Variants in OVCH1 observed in about 807,000 individuals in gnomAD.
OVCH1 encodes the protein ovochymase 1.
A neutral mutation model predicts 138.4 loss-of-function variants in OVCH1; 139 were observed. That is an observed-to-expected ratio of 1.00 (90% CI 0.87 to 1.16). The LOEUF (loss-of-function observed/expected upper bound fraction) is 1.16, where lower values mean the gene tolerates loss of function less well. Ranked by LOEUF, OVCH1 falls within the 50% of genes most tolerant of loss-of-function variation. The pLI is 0.00. For missense variants in OVCH1, 1,367 were observed against 1,357.9 expected (o/e 1.01, Z -0.11); for synonymous variants, 453 against 467.8 (o/e 0.97, Z 0.41).
intron 8 of OVCH1, among the ~76,000 whole-genome samples, chr12:29,483,768 C>T (rs571195401): frequency 6.6e-6 from 1 of 152,300 alleles, no homozygotes; most frequent in African/African-American, 2.4e-5. Context: ...TTGAAATCTT[C>T]AGTATTAGAG....
chr12:29,466,930 T>G (rs1264806977), intron 16 of OVCH1, among the ~76,000 whole-genome samples: 3 of 152,200 alleles, frequency 2.0e-5, no homozygotes, highest in African/African-American at 7.2e-5. Context: ...TATTTTTCAA[T>G]ATACCTTATT....
intron 22 of OVCH1, 139 bp downstream of exon 22, chr12:29,451,206 T>C (rs1385084187): frequency 4.1e-6 from 2 of 489,920 alleles, no homozygotes; most frequent in Non-Finnish European, 7.0e-6. Flanking sequence ...GTTAAGTGTG[T>C]TTACAAGGGA....
At chr12:29,419,291 T>TG (rs35066503) in intron 3 of OVCH1, among the ~76,000 whole-genome samples, 6,220 of 148,402 alleles carry the variant, frequency 0.042, 161 homozygotes, top group East Asian at 0.065. Flanking sequence ...AAACAAAGTA[T>TG]GATTTTTTTT....
chr12:29,490,967 A>G (rs1943255883), intron 5 of OVCH1, 130 bp downstream of exon 5: 2 of 735,796 alleles, frequency 2.7e-6, no homozygotes, highest in Admixed American at 2.8e-5. Context: ...ACTACCAGAA[A>G]TCTTCGTTGT....
At chr12:29,421,400 G>T (rs1356288064) in intron 3 of OVCH1, among the ~76,000 whole-genome samples, 2 of 152,086 alleles carry the variant, frequency 1.3e-5, no homozygotes, top group South Asian at 2.1e-4. Flanking sequence ...TCAAAACTAG[G>T]ATTCTGATCA....
intron 16 of OVCH1, among the ~76,000 whole-genome samples, chr12:29,469,159 G>A (rs138053531): frequency 2.0e-5 from 3 of 152,264 alleles, no homozygotes; most frequent in African/African-American, 7.2e-5. Context: ...GGGGAAAAAT[G>A]TAACTTTACA....
At chr12:29,488,643 A>AAAAAT (rs71045809) in intron 6 of OVCH1, among the ~76,000 whole-genome samples, 1 of 142,312 alleles carries the variant, frequency 7.0e-6, no homozygotes, top group African/African-American at 2.5e-5. Context: ...AAAAAAAAAA[A>AAAAAT]GAAAGGAAAG....
intron 8 of OVCH1, 22 bp downstream of exon 8, chr12:29,486,228 C>T (rs1261596662): frequency 6.3e-7 from 1 of 1,590,340 alleles, no homozygotes; most frequent in Non-Finnish European, 8.6e-7. Flanking sequence ...CAGCTTCCTT[C>T]TCTAATTAGA....
chr12:29,461,177 A>G (rs900766842), intron 19 of OVCH1, among the ~76,000 whole-genome samples: 3 of 152,184 alleles, frequency 2.0e-5, no homozygotes, highest in Non-Finnish European at 2.9e-5. Context: ...GGGCTCCCCT[A>G]TGGACCCAAA....
At chr12:29,439,861 A>G (rs1294194516) in intron 25 of OVCH1, among the ~76,000 whole-genome samples, 1 of 152,210 alleles carries the variant, frequency 6.6e-6, no homozygotes. Context: ...ACTTGTGTTT[A>G]CCTATTTATT....
chr12:29,433,770 A>T, exon 27 of OVCH1: 3 of 1,426,066 alleles, frequency 2.1e-6, no homozygotes, highest in Non-Finnish European at 2.8e-6. Context: ...ATTTGATGCA[A>T]ATTTCTTCTG....
At chr12:29,404,961 G>T in the OVCH1 span, among the ~76,000 whole-genome samples, 2 of 143,730 alleles carry the variant, frequency 1.4e-5, no homozygotes, top group Admixed American at 1.4e-4. Flanking sequence ...GGCGGAGGTT[G>T]CAGTGAGCTG....
intron 3 of OVCH1, among the ~76,000 whole-genome samples, chr12:29,421,111 T>G (rs1445136067): frequency 2.0e-5 from 3 of 152,218 alleles, no homozygotes; most frequent in Non-Finnish European, 2.9e-5. Flanking sequence ...TAATGTTGTC[T>G]GGGTGCTGCA....
intron 18 of OVCH1, among the ~76,000 whole-genome samples, chr12:29,463,888 G>T (rs1942225132): frequency 6.6e-6 from 1 of 152,110 alleles, no homozygotes; most frequent in African/African-American, 2.4e-5. Context: ...AAATGATCTT[G>T]TATGGTATAA....
At chr12:29,407,893 T>A (rs2135861237), downstream of OVCH1, among the ~76,000 whole-genome samples, 1 of 151,012 alleles carries the variant, frequency 6.6e-6, no homozygotes, top group South Asian at 2.1e-4. Context: ...TAAATTACCT[T>A]GGGCAGTGTG....
At chr12:29,410,704 T>C (rs982025680), downstream of OVCH1, among the ~76,000 whole-genome samples, 2 of 151,878 alleles carry the variant, frequency 1.3e-5, no homozygotes, top group Non-Finnish European at 2.9e-5. Context: ...GGGCTTCCCT[T>C]TGTGGGTAAC....
intron 16 of OVCH1, among the ~76,000 whole-genome samples, chr12:29,471,535 A>G (rs76923082): frequency 2.0e-4 from 31 of 152,366 alleles, no homozygotes; most frequent in African/African-American, 7.2e-4. Context: ...TTGGAACTAC[A>G]GTACATTTAG....
chr12:29,439,560 C>A, intron 25 of OVCH1: 1 of 1,200,068 alleles, frequency 8.3e-7, no homozygotes, highest in African/African-American at 1.6e-5. Context: ...CTGCTACTCT[C>A]GGTACTTTAC....
intron 25 of OVCH1, among the ~76,000 whole-genome samples, chr12:29,442,373 C>CA (rs575882364): frequency 0.032 from 4,289 of 135,848 alleles, 108 homozygotes; most frequent in Non-Finnish European, 0.048. Flanking sequence ...ATCTCAAGAA[C>CA]AAAAAACCAA....
Sources: allele counts gnomAD v4.1 joint callset (sites outside exome capture counted in the v4.1 genomes callset), GRCh38; gene constraint gnomAD v4.1.1; transcripts MANE v1.5; gene names NCBI Gene and HGNC (gene_info 2026-07-23, HGNC 2026-07-21).